Variants in RORA observed in about 807,000 individuals in gnomAD.
RORA encodes the protein RAR related orphan receptor A.
Under a neutral mutation model 69.5 loss-of-function variants are expected in RORA, and 7 were observed. The observed-to-expected ratio is 0.10, with a 90% CI of 0.06 to 0.19. The LOEUF (loss-of-function observed/expected upper bound fraction) is 0.19, where lower values mean the gene tolerates loss of function less well. Among genes scored for constraint, RORA ranks in the 10% least tolerant of loss-of-function variants. The pLI is 1.00. For missense variants in RORA, 457 were observed against 663.0 expected (o/e 0.69, Z 3.41); for synonymous variants, 261 against 240.8 (o/e 1.08, Z -0.78).
At chr15:60,694,345 A>C (rs2070871501) in intron 1 of RORA, among the ~76,000 whole-genome samples, 1 of 152,186 alleles carries the variant, frequency 6.6e-6, no homozygotes, top group African/African-American at 2.4e-5. Flanking sequence ...ATCAAAAGTC[A>C]AAGGTACCCG....
At chr15:61,168,289 C>T (rs996046794) in intron 1 of RORA, among the ~76,000 whole-genome samples, 8 of 151,872 alleles carry the variant, frequency 5.3e-5, no homozygotes, top group African/African-American at 2.4e-5. Flanking sequence ...AGTGCCGTGG[C>T]GTGATCTTGG....
chr15:60,925,036 G>A (rs1892167423), intron 1 of RORA, among the ~76,000 whole-genome samples: 1 of 151,550 alleles, frequency 6.6e-6, no homozygotes, highest in Non-Finnish European at 1.5e-5. Flanking sequence ...CTGAGATTGG[G>A]TCACTGCATT....
At chr15:60,888,545 G>A (rs2073777292) in intron 1 of RORA, among the ~76,000 whole-genome samples, 1 of 152,166 alleles carries the variant, frequency 6.6e-6, no homozygotes, top group Non-Finnish European at 1.5e-5. Context: ...AGGGAAAGCA[G>A]CTGATGATTA....
intron 2 of RORA, among the ~76,000 whole-genome samples, chr15:60,673,231 T>C (rs1567150512): frequency 1.3e-5 from 2 of 152,252 alleles, no homozygotes; most frequent in African/African-American, 2.4e-5. Flanking sequence ...TCAGTTTTTC[T>C]ATGGAGTTCA....
intron 1 of RORA, among the ~76,000 whole-genome samples, chr15:61,118,578 C>T (rs1044351766): frequency 4.0e-5 from 6 of 151,892 alleles, no homozygotes; most frequent in South Asian, 2.1e-4. Context: ...CATTTAGGCA[C>T]GGGGCCCCGA....
intron 2 of RORA, among the ~76,000 whole-genome samples, chr15:60,593,811 G>A (rs529209565): frequency 6.6e-6 from 1 of 151,244 alleles, no homozygotes; most frequent in Non-Finnish European, 1.5e-5. Flanking sequence ...GATTAAGCAA[G>A]GATAATTCTA....
intron 1 of RORA, among the ~76,000 whole-genome samples, chr15:61,149,904 C>T (rs180923698): frequency 3.9e-5 from 6 of 152,166 alleles, no homozygotes; most frequent in Admixed American, 6.5e-5. Context: ...GAACAGATAT[C>T]GGACTGGGAG....
At chr15:61,096,611 C>A (rs549845757) in intron 1 of RORA, among the ~76,000 whole-genome samples, 1 of 152,178 alleles carries the variant, frequency 6.6e-6, no homozygotes, top group African/African-American at 2.4e-5. Context: ...GGGAAACTGA[C>A]TTGTCCAAGC....
chr15:61,042,096 A>G (rs1253283631), intron 1 of RORA, among the ~76,000 whole-genome samples: 1 of 152,148 alleles, frequency 6.6e-6, no homozygotes, highest in African/African-American at 2.4e-5. Flanking sequence ...CCTTTTTCCA[A>G]AGGCTAAATC....
rs1555403815 is a variant in RORA, at chr15:61,033,419, C to CAAAAAAAAAA, written c.166+195633_166+195634insTTTTTTTTTT. 2.5e-3 allele frequency among the ~76,000 whole-genome samples: 374 copies of CAAAAAAAAAA among 150,632 alleles called. 4 individuals carry two copies. The highest frequency in any genetic ancestry group is 8.7e-3 in the African/African-American group (355 of 40,830). On this transcript the variant is annotated intron_variant, in intron 1 of 10. Coordinates refer to ENST00000335670, the MANE Select transcript of RORA (RefSeq NM_134261.3). ...TATAGCTTTATTCTGAAAAAAAAAA[C>CAAAAAAAAAA]AAAAACCAGTTTTGCTCTCAGTGGG...
intron 1 of RORA, among the ~76,000 whole-genome samples, chr15:60,736,030 T>C (rs1028414553): frequency 6.6e-6 from 1 of 152,138 alleles, no homozygotes; most frequent in Non-Finnish European, 1.5e-5. Context: ...TGCTTACCTG[T>C]CAACTTTAAG....
chr15:60,717,796 C>CTTTTTTTTTTTTTTTTT (rs10653856), intron 1 of RORA, among the ~76,000 whole-genome samples: 9 of 91,966 alleles, frequency 9.8e-5, no homozygotes, highest in East Asian at 7.8e-4. Flanking sequence ...TTCTTTTTCT[C>CTTTTTTTTTTTTTTTTT]TTTTTTTTTT....
intron 1 of RORA, among the ~76,000 whole-genome samples, chr15:60,802,845 T>C (rs2140359262): frequency 6.6e-6 from 1 of 152,326 alleles, no homozygotes; most frequent in South Asian, 2.1e-4. Context: ...CCTAAGAAAG[T>C]ATGTACAGTT....
intron 1 of RORA, among the ~76,000 whole-genome samples, chr15:60,760,209 T>C (rs2071866390): frequency 6.6e-6 from 1 of 152,152 alleles, no homozygotes; most frequent in Non-Finnish European, 1.5e-5. Context: ...GAAATGTCAA[T>C]TGATCGTTGG....
chr15:60,642,244 A>G (rs1008024461), intron 2 of RORA, among the ~76,000 whole-genome samples: 1 of 152,174 alleles, frequency 6.6e-6, no homozygotes, highest in Non-Finnish European at 1.5e-5. Context: ...AGAAAAAAAA[A>G]AGAAGAAAAT....
At chr15:60,753,365 C>T (rs376055257) in intron 1 of RORA, among the ~76,000 whole-genome samples, 4 of 152,212 alleles carry the variant, frequency 2.6e-5, no homozygotes, top group Non-Finnish European at 4.4e-5. Context: ...AAGTATTTAT[C>T]GAACACCAAT....
chr15:60,976,208 T>C (rs1300668063), intron 1 of RORA, among the ~76,000 whole-genome samples: 1 of 152,144 alleles, frequency 6.6e-6, no homozygotes, highest in Non-Finnish European at 1.5e-5. Flanking sequence ...GGAGGGGCGT[T>C]AGAATCCTCA....
In RORA at chr15:61,148,064, T is replaced by C. The variant is rs141060480; in HGVS notation, c.166+80989A>G. On this transcript the variant is annotated intron_variant, in intron 1 of 10. Transcript: ENST00000335670. ...GGCATGAAGGGAACAAAGAGACCAATGAGGAGGCTGTCACATCAATCCATC... is the reference window on the plus strand; with the variant it reads ...GGCATGAAGGGAACAAAGAGACCAACGAGGAGGCTGTCACATCAATCCATC... Among the ~76,000 whole-genome samples the C allele has an allele frequency of 5.0e-3, 763 of 152,218 alleles. 7 individuals carry two copies. Among genetic ancestry groups the C allele is most frequent in the African/African-American group, 0.018 (740 of 41,526 alleles).
intron 3 of RORA, among the ~76,000 whole-genome samples, chr15:60,524,107 A>G (rs575449936): frequency 6.6e-6 from 1 of 152,004 alleles, no homozygotes; most frequent in Admixed American, 6.5e-5. Context: ...CCTCCTCCCC[A>G]CCCATATTCA....
Sources: allele counts gnomAD v4.1 joint callset (sites outside exome capture counted in the v4.1 genomes callset), GRCh38; gene constraint gnomAD v4.1.1; transcripts MANE v1.5; gene names NCBI Gene and HGNC (gene_info 2026-07-23, HGNC 2026-07-21).